Variants in RPH3A observed in about 807,000 individuals in gnomAD.
RPH3A encodes rabphilin-3A.
RPH3A carries 48 observed loss-of-function variants against 102.2 expected under a neutral mutation model. The ratio of observed to expected loss-of-function variants is 0.47; its 90% CI spans 0.37 to 0.60. The LOEUF is 0.60. Ranked by LOEUF, RPH3A falls within the 20% of genes least tolerant of loss-of-function variation. The pLI, the probability that RPH3A is intolerant of heterozygous loss-of-function variation, is 0.00. For synonymous variants in RPH3A, 310 were observed against 324.3 expected, an observed-to-expected ratio of 0.96 and a Z score of 0.47; for missense variants, 781 against 910.1, an observed-to-expected ratio of 0.86 and a Z score of 1.83.
In RPH3A at chr12:112,890,091, A is replaced by G; in HGVS notation, c.1620+11A>G. On this transcript the variant is annotated intron_variant, in intron 18 of 21. Coordinates refer to ENST00000389385, the MANE Select transcript of RPH3A (RefSeq NM_001143854.2). ...CTTTATGAGGAAGAGGTGAGCACTG[A>G]GCAGGAATTGAAGCCACAGTCAGGG... 2 of 1,612,770 alleles carry G rather than the reference A, an allele frequency of 1.2e-6. No individual in the cohort carries two copies. Among genetic ancestry groups the G allele is most frequent in the Non-Finnish European group, 1.7e-6 (2 of 1,179,508 alleles).
intron 1 of RPH3A, among the ~76,000 whole-genome samples, chr12:112,619,529 C>A (rs2039706929): frequency 6.6e-6 from 1 of 152,082 alleles, no homozygotes; most frequent in Non-Finnish European, 1.5e-5. Context: ...GTGATCTGCC[C>A]ACCTTGGCCT....
intron 1 of RPH3A, among the ~76,000 whole-genome samples, chr12:112,629,144 C>A (rs2039785918): frequency 6.6e-6 from 1 of 152,012 alleles, no homozygotes; most frequent in Admixed American, 6.6e-5. Context: ...AGAAAGGGAC[C>A]TGGAGACACT....
At chr12:112,828,113 G>A (rs998389797) in intron 2 of RPH3A, among the ~76,000 whole-genome samples, 188 bp from the exon 3 acceptor site, 2 of 152,108 alleles carry the variant, frequency 1.3e-5, no homozygotes, top group Admixed American at 6.5e-5. Flanking sequence ...TTGCCACGGG[G>A]TAGCTGTGAC....
chr12:112,638,427 T>C (rs1039844144), intron 1 of RPH3A, among the ~76,000 whole-genome samples: 1 of 152,208 alleles, frequency 6.6e-6, no homozygotes, highest in Non-Finnish European at 1.5e-5. Context: ...TATCCACACC[T>C]TAATTAGATA....
chr12:112,757,894 G>A lies in RPH3A; in HGVS notation c.-139-34249G>A, dbSNP rs1025705754. ...TGTGTACTTTTCAGAAGCCAGGCAC[G>A]TGCCTCACTTTCTGGCCAGAGTGAG... On this transcript the variant is annotated intron_variant, in intron 1 of 21. Coordinates refer to the RPH3A transcript ENST00000543106. Among the ~76,000 whole-genome samples the A allele has an allele frequency of 1.6e-4, 24 of 152,286 alleles. No individual in the cohort carries two copies. The East Asian group carries it at 1.9e-3, about 12-fold the overall frequency.
At chr12:112,775,102 C>T (rs993559853) in intron 1 of RPH3A, among the ~76,000 whole-genome samples, 5 of 152,134 alleles carry the variant, frequency 3.3e-5, no homozygotes, top group Admixed American at 6.6e-5. Context: ...ATGGTTAATG[C>T]ATGCTGGGCT....
chr12:112,666,548 C>CA (rs1383025155), intron 1 of RPH3A, among the ~76,000 whole-genome samples: 2 of 152,162 alleles, frequency 1.3e-5, no homozygotes, highest in Non-Finnish European at 2.9e-5. Flanking sequence ...CCCCCCTTCA[C>CA]ACTTGGAACC....
At chr12:112,831,399 A>G (rs2041968026) in intron 3 of RPH3A, among the ~76,000 whole-genome samples, 1 of 152,150 alleles carries the variant, frequency 6.6e-6, no homozygotes, top group Admixed American at 6.6e-5. Context: ...GGAGTTACTC[A>G]CTGTCTCAAC....
At chr12:112,847,431 C>A (rs1223968313) in intron 4 of RPH3A, among the ~76,000 whole-genome samples, 1 of 152,194 alleles carries the variant, frequency 6.6e-6, no homozygotes, top group Non-Finnish European at 1.5e-5. Flanking sequence ...GTTCTGGAAT[C>A]TTTTTTGAAA....
intron 2 of RPH3A, among the ~76,000 whole-genome samples, chr12:112,802,688 C>G (rs928640415): frequency 6.6e-6 from 1 of 151,942 alleles, no homozygotes; most frequent in Non-Finnish European, 1.5e-5. Flanking sequence ...GACGTTGCCC[C>G]CCTCTTAAAT....
At position 112,880,739 on chromosome 12, in the gene RPH3A, G is replaced by T. The variant is rs949302009; in HGVS notation, c.1252-1033G>T. The stretch of plus-strand genomic sequence containing the variant: ...ACTTAACTACTATTAGCCTACTGTT[G>T]CCTGGAAGCCTTCCTGACAACATAA... On this transcript the variant is annotated intron_variant, in intron 14 of 21. Transcript: ENST00000389385. 4.6e-5 allele frequency among the ~76,000 whole-genome samples: 7 copies of T among 152,170 alleles called. No individual in the cohort carries two copies. The East Asian group carries it at 1.2e-3, about 25-fold the overall frequency.
chr12:112,675,193 T>A (rs991257908), intron 1 of RPH3A, among the ~76,000 whole-genome samples: 1 of 152,172 alleles, frequency 6.6e-6, no homozygotes, highest in African/African-American at 2.4e-5. Flanking sequence ...TTTGTTGTTG[T>A]TGTTTTGTAT....
At chr12:112,774,062 G>GAAAAAAAAAAAAA (rs2040946570) in intron 1 of RPH3A, among the ~76,000 whole-genome samples, 1 of 35,296 alleles carries the variant, frequency 2.8e-5, no homozygotes, top group Non-Finnish European at 4.7e-5. Flanking sequence ...TCCAGCCTGG[G>GAAAAAAAAAAAAA]CAAAAAAAAA....
intron 1 of RPH3A, among the ~76,000 whole-genome samples, chr12:112,700,346 T>C (rs1460072439): frequency 6.6e-6 from 1 of 152,152 alleles, no homozygotes; most frequent in African/African-American, 2.4e-5. Context: ...ATTCTTAATA[T>C]AATGATTTTT....
intron 2 of RPH3A, among the ~76,000 whole-genome samples, chr12:112,823,395 T>C (rs1039843260): frequency 6.6e-6 from 1 of 152,250 alleles, no homozygotes; most frequent in Non-Finnish European, 1.5e-5. Context: ...TAATACCATC[T>C]ACCTTGGAGT....
At chr12:112,656,416 A>G (rs530952627) in intron 1 of RPH3A, among the ~76,000 whole-genome samples, 28 of 152,296 alleles carry the variant, frequency 1.8e-4, no homozygotes, top group Non-Finnish European at 2.9e-4. Flanking sequence ...TAGATGTTGT[A>G]ATTCTTCCAG....
At chr12:112,694,713 T>A (rs762833948) in intron 1 of RPH3A, among the ~76,000 whole-genome samples, 3 of 151,374 alleles carry the variant, frequency 2.0e-5, no homozygotes, top group Non-Finnish European at 4.4e-5. Context: ...TTCTGTTTAC[T>A]TGAAATGGCC....
At chr12:112,844,509 G>A (rs1225631830) in intron 4 of RPH3A, among the ~76,000 whole-genome samples, 3 of 152,176 alleles carry the variant, frequency 2.0e-5, no homozygotes, top group African/African-American at 7.2e-5. Flanking sequence ...ACATGGCCCA[G>A]CCCATACCTT....
chr12:112,743,576 G>A (rs1290517141), intron 1 of RPH3A, among the ~76,000 whole-genome samples: 2 of 152,188 alleles, frequency 1.3e-5, no homozygotes, highest in African/African-American at 4.8e-5. Flanking sequence ...ATGGGGAATC[G>A]CACAGGGTAG....
Sources: allele counts gnomAD v4.1 joint callset (sites outside exome capture counted in the v4.1 genomes callset), GRCh38; gene constraint gnomAD v4.1.1; transcripts MANE v1.5; gene names NCBI Gene and HGNC (gene_info 2026-07-23, HGNC 2026-07-21).